The following LRBA variants were observed in gnomAD, a reference collection of about 807,000 sequenced individuals.
LRBA encodes LPS responsive beige-like anchor protein.
Under a neutral mutation model 330.0 loss-of-function variants are expected in LRBA, and 176 were observed. That is an observed-to-expected ratio of 0.53 (90% CI 0.47 to 0.60). The LOEUF is 0.60. Among genes scored for constraint, LRBA ranks in the 20% least tolerant of loss-of-function variants. The pLI is 0.00. For synonymous variants in LRBA, 1,230 were observed against 1,193.0 expected (o/e 1.03, Z -0.64); for missense variants, 3,259 against 3,444.8 (o/e 0.95, Z 1.35).
rs1481706497 is a variant in LRBA at position 150,909,676 on chromosome 4, C to T, written c.1162-819G>A. On this transcript the variant is annotated intron_variant, in intron 9 of 56. Coordinates refer to ENST00000651943, the MANE Select transcript of LRBA (RefSeq NM_001364905.1). ...TCTTTTCAATTATTTTGTATATATC[C>T]CATAAGTGAGATTACTGGATCACAT... Among the ~76,000 whole-genome samples the T allele has an allele frequency of 2.0e-5, 3 of 151,986 alleles. No homozygotes were observed. The East Asian group carries it at 5.8e-4, about 29-fold the overall frequency.
chr4:150,548,155 A>C (rs922393942), intron 40 of LRBA, among the ~76,000 whole-genome samples: 1 of 152,202 alleles, frequency 6.6e-6, no homozygotes, highest in Non-Finnish European at 1.5e-5. Context: ...AAGTAAAAAT[A>C]CATTTCGTTC....
rs112993486 is a variant in LRBA, at chr4:150,698,906, G to A, written c.5755-15189C>T. On this transcript the variant is annotated intron_variant, in intron 36 of 56. Transcript: ENST00000651943. ...ATGACAAGTAAAACACATCATGGAA[G>A]AACCTCTAAAAATAGTGTGTTCCAG... Among the ~76,000 whole-genome samples the A allele has an allele frequency of 1.2e-3, 183 of 152,200 alleles. 4 individuals are homozygous for A. The highest frequency in any genetic ancestry group is 4.3e-3 in the African/African-American group (179 of 41,554).
chr4:150,505,493 C>T (rs948826605), intron 40 of LRBA, among the ~76,000 whole-genome samples: 6 of 152,054 alleles, frequency 3.9e-5, no homozygotes, highest in South Asian at 4.1e-4. Flanking sequence ...GGGTACATAA[C>T]GAAATGAAGG....
chr4:150,717,675 GTAA>G (rs10522737), intron 36 of LRBA, among the ~76,000 whole-genome samples: 10 of 139,770 alleles, frequency 7.2e-5, no homozygotes, highest in South Asian at 2.3e-4. Context: ...AACAATAATA[GTAA>G]TAATAATAAT....
chr4:150,570,985 T>C (rs1300756790), intron 40 of LRBA, among the ~76,000 whole-genome samples: 1 of 152,130 alleles, frequency 6.6e-6, no homozygotes, highest in Non-Finnish European at 1.5e-5. Flanking sequence ...CTGAGGCCTC[T>C]CCCTCTATAT....
intron 22 of LRBA, among the ~76,000 whole-genome samples, chr4:150,857,002 C>T (rs116446144): frequency 1.1e-3 from 164 of 152,178 alleles, no homozygotes; most frequent in African/African-American, 3.8e-3. Context: ...TTAATCTATA[C>T]ATTAAAACCG....
At chr4:150,302,093 T>G (rs998340966) in intron 53 of LRBA, among the ~76,000 whole-genome samples, 6 of 152,214 alleles carry the variant, frequency 3.9e-5, no homozygotes, top group African/African-American at 1.4e-4. Flanking sequence ...TTCAGCATAG[T>G]TTCATAAAGA....
intron 34 of LRBA, among the ~76,000 whole-genome samples, chr4:150,778,881 A>G (rs1272445778): frequency 6.6e-6 from 1 of 152,210 alleles, no homozygotes; most frequent in Non-Finnish European, 1.5e-5. Flanking sequence ...AATTACAAGG[A>G]GTGTTCATTA....
At chr4:150,489,472 TTATATATAAG>T (rs1758543093) in intron 41 of LRBA, among the ~76,000 whole-genome samples, 1 of 44,794 alleles carries the variant, frequency 2.2e-5, no homozygotes, top group East Asian at 5.7e-4. Flanking sequence ...ATAAAATATA[TTATATATAAG>T]AATATATAAT....
In LRBA at chr4:150,808,310, G is replaced by A. The variant is rs372667151; in HGVS notation, c.5384+10C>T. On this transcript the variant is annotated intron_variant, in intron 32 of 56. Coordinates refer to ENST00000651943, the MANE Select transcript of LRBA (RefSeq NM_001364905.1). ...ATAAATCACAATATTCAAGTTAGTA[G>A]CTTAAATACCTCATATTTGAAACCG... 1 of 1,590,154 alleles carries A rather than the reference G, an allele frequency of 6.3e-7. No homozygotes were observed. The highest frequency in any genetic ancestry group is 8.6e-7 in the Non-Finnish European group (1 of 1,160,258).
chr4:150,956,250 C>T (rs1246489681), intron 2 of LRBA, among the ~76,000 whole-genome samples: 1 of 148,604 alleles, frequency 6.7e-6, no homozygotes, highest in African/African-American at 2.6e-5. Flanking sequence ...CAATTGTATG[C>T]CAATAATTAG....
intron 40 of LRBA, among the ~76,000 whole-genome samples, chr4:150,560,682 T>G (rs1305839723): frequency 1.3e-5 from 2 of 152,154 alleles, no homozygotes; most frequent in Non-Finnish European, 2.9e-5. Context: ...TTCAAATCAT[T>G]GGCAATTAAA....
chr4:150,358,061 T>C (rs992670847), intron 47 of LRBA, among the ~76,000 whole-genome samples: 5 of 152,080 alleles, frequency 3.3e-5, no homozygotes, highest in African/African-American at 9.7e-5. Context: ...GGCAATATGA[T>C]GGAATCCAGG....
chr4:150,975,092 A>G (rs1739995466), intron 2 of LRBA, among the ~76,000 whole-genome samples: 1 of 152,262 alleles, frequency 6.6e-6, no homozygotes, highest in African/African-American at 2.4e-5. Flanking sequence ...TACTTGGCAT[A>G]CAAAAAATCA....
At chr4:150,433,902 A>G (rs1410266702) in intron 46 of LRBA, among the ~76,000 whole-genome samples, 1 of 152,152 alleles carries the variant, frequency 6.6e-6, no homozygotes, top group Non-Finnish European at 1.5e-5. Flanking sequence ...AGATGTCCCA[A>G]TAAAAGATTA....
At chr4:150,490,664 G>A (rs1758795889) in intron 41 of LRBA, among the ~76,000 whole-genome samples, 1 of 151,722 alleles carries the variant, frequency 6.6e-6, no homozygotes, top group Non-Finnish European at 1.5e-5. Context: ...AAATGGTTAT[G>A]TATTCCTTAT....
chr4:150,280,578 G>A (rs1057206925), intron 55 of LRBA, among the ~76,000 whole-genome samples: 4 of 152,186 alleles, frequency 2.6e-5, no homozygotes, highest in Non-Finnish European at 5.9e-5. Context: ...ATGCCACAGA[G>A]CAATCTGGCA....
intron 13 of LRBA, among the ~76,000 whole-genome samples, chr4:150,903,324 G>A (rs142176497): frequency 3.3e-5 from 5 of 151,474 alleles, no homozygotes; most frequent in South Asian, 4.2e-4. Context: ...GTTTAAGGTC[G>A]CACTGAGCCA....
At chr4:150,537,859 G>C (rs1764842118) in intron 40 of LRBA, among the ~76,000 whole-genome samples, 1 of 152,020 alleles carries the variant, frequency 6.6e-6, no homozygotes, top group Admixed American at 6.5e-5. Context: ...GGAGGCTGAG[G>C]CATGAAAATT....
Sources: gnomAD v4.1 joint callset for allele counts (sites outside exome capture counted in the v4.1 genomes callset) on GRCh38, gnomAD v4.1.1 for gene constraint, MANE v1.5 for transcripts, NCBI Gene and HGNC (gene_info 2026-07-23, HGNC 2026-07-21) for gene names.